QSOX1: variants seen among roughly 807,000 people sequenced by gnomAD.
QSOX1 encodes quiescin sulfhydryl oxidase 1.
A neutral mutation model predicts 76.1 loss-of-function variants in QSOX1; 40 were observed. That is an observed-to-expected ratio of 0.53 (90% CI 0.41 to 0.68). The LOEUF (loss-of-function observed/expected upper bound fraction) is 0.68. QSOX1 is among the 30% of genes least tolerant of loss of function. QSOX1 has a pLI of 0.00. For synonymous variants in QSOX1, 392 were observed against 413.1 expected, an observed-to-expected ratio of 0.95 and a Z score of 0.62; for missense variants, 931 against 974.3, an observed-to-expected ratio of 0.96 and a Z score of 0.59.
rs968066380 is a variant in QSOX1 at position 180,196,057 on chromosome 1, G to T, written c.1469-205G>T. The stretch of plus-strand genomic sequence containing the variant: ...CCGGGGCTGAGGGGTAGGTGGATCT[G>T]CCTCCTCCTCCATGCTGCCATCTGT... On this transcript the variant is annotated intron_variant, in intron 11 of 11. Transcript: ENST00000367602. This position sits in a 1 kb window ranked among gnomAD's most constrained non-coding sequence, Gnocchi z 4.1. 6.6e-6 allele frequency among the ~76,000 whole-genome samples: 1 copy of T among 152,144 alleles called. No individual in the cohort carries two copies. Among genetic ancestry groups the T allele is most frequent in the East Asian group, 1.9e-4 (1 of 5,186 alleles).
chr1:180,178,846 C>T lies in QSOX1; in HGVS notation c.568C>T (p.Leu190=). ...FARNNEEYLA[L]IFEKGGSYLG... Reference sequence around the variant, plus strand: ...GAGAAATAACGAAGAGTACCTGGCTCTGATCTTTGAAAAGGGAGGCTCCTA... The same window carrying T: ...GAGAAATAACGAAGAGTACCTGGCTTTGATCTTTGAAAAGGGAGGCTCCTA... Residue 190 remains leucine (L), a synonymous_variant, in exon 5 of 12, where the codon CTG becomes TTG. Transcript: ENST00000367602. The T allele has an allele frequency of 6.2e-7, 1 of 1,614,008 alleles. No homozygotes were observed.
At chr1:180,165,551 C>T (rs2149231281) in intron 1 of QSOX1, among the ~76,000 whole-genome samples, 1 of 152,368 alleles carries the variant, frequency 6.6e-6, no homozygotes, top group Admixed American at 6.5e-5. Context: ...ACTCTGTTTC[C>T]ACCTTTCCTG....
intron 1 of QSOX1, among the ~76,000 whole-genome samples, chr1:180,156,054 T>C (rs905797320): frequency 5.3e-5 from 8 of 152,346 alleles, no homozygotes; most frequent in African/African-American, 1.9e-4. Context: ...GTGAACTCTA[T>C]TACAGAAATG....
intron 8 of QSOX1, 120 bp downstream of exon 8, chr1:180,186,302 C>G: frequency 1.5e-6 from 2 of 1,345,644 alleles, no homozygotes; most frequent in Non-Finnish European, 2.0e-6. Flanking sequence ...GGCTGGACAC[C>G]TGGACCCACA....
chr1:180,186,256 AC>A lies in QSOX1; in HGVS notation c.1017+78del, dbSNP rs1663168393. 3.3e-6 allele frequency: 5 copies of A among 1,535,066 alleles called. No homozygotes were observed. In the African/African-American group the frequency reaches 6.9e-5, roughly 21 times the overall value. On this transcript the variant is annotated intron_variant, in intron 8 of 11. Coordinates refer to ENST00000367602, the MANE Select transcript of QSOX1 (RefSeq NM_002826.5). ...AGTGTGCGTTCCTGTAAGGCTGGGC[AC>A]CCCGTCAGCCCCTCCCTCCAGAAGC...
intron 2 of QSOX1, among the ~76,000 whole-genome samples, chr1:180,175,011 G>A (rs371668792): frequency 3.3e-5 from 5 of 152,194 alleles, no homozygotes; most frequent in African/African-American, 7.2e-5. Flanking sequence ...AAAAAAATTA[G>A]TCGAGTGTGG....
intron 2 of QSOX1, among the ~76,000 whole-genome samples, chr1:180,171,433 T>G (rs1304877489): frequency 6.6e-6 from 1 of 151,202 alleles, no homozygotes; most frequent in Non-Finnish European, 1.5e-5. Flanking sequence ...TGATTCAGTC[T>G]TGGGGATGGT....
rs942996554 is a variant in QSOX1 at position 180,200,505 on chromosome 1, A to C, written c.*3468A>C. The stretch of plus-strand genomic sequence containing the variant: ...GTGCCTCCCCACCCCCATCTGCCAC[A>C]GTAGTATGGATTTCCTTCATGAGAT... On this transcript the variant is annotated 3_prime_UTR_variant, in exon 12 of 12. Coordinates refer to ENST00000367602, the MANE Select transcript of QSOX1 (RefSeq NM_002826.5). 2 of 152,182 alleles carry C rather than the reference A, an allele frequency of 1.3e-5. No individual in the cohort carries two copies. The highest frequency in any genetic ancestry group is 2.9e-5 in the Non-Finnish European group (2 of 68,038). The allele number at this position is 152,182 out of a possible 1,614,324, so 9.4% of individuals were successfully genotyped here.
rs778400897 is a variant in QSOX1 at position 180,194,301 on chromosome 1, G to A, written c.1377G>A (p.Met459Ile). Residue 459 changes from methionine to isoleucine, a missense_variant, in exon 11 of 12, where the codon ATG becomes ATA. By Grantham distance (10) the Met-to-Ile change is conservative. Transcript: ENST00000367602. Reference protein sequence around the residue: ...CRDCASHFEQMAAASMHRVGS... With the variant: ...CRDCASHFEQIAAASMHRVGS... ...ACTGCGCTAGCCACTTCGAGCAGAT[G>A]GCTGCTGCCTCCATGCACCGGGTGG... 1.4e-5 allele frequency: 22 copies of A among 1,612,252 alleles called. No individual in the cohort carries two copies. The highest frequency in any genetic ancestry group is 1.9e-5 in the Non-Finnish European group (22 of 1,178,900).
Position 180,155,020 on chromosome 1 carries a change from C to T in QSOX1, c.113C>T (p.Pro38Leu). 1 of 1,513,598 alleles carries T rather than the reference C, an allele frequency of 6.6e-7. No individual in the cohort carries two copies. The highest frequency in any genetic ancestry group is 8.8e-7 in the Non-Finnish European group (1 of 1,138,284). The allele number at this position is 1,513,598 out of a possible 1,614,324, so 93.8% of individuals were successfully genotyped here. The change falls in exon 1 of 12, where the codon CCT (proline) becomes CTT (leucine). Residue 38 changes from proline (P) to leucine (L), a missense_variant. Pro to Leu is a moderately conservative substitution (Grantham distance 98, BLOSUM62 -3). Coordinates refer to ENST00000367602, the MANE Select transcript of QSOX1 (RefSeq NM_002826.5). The part of the protein sequence containing the change: ...NAAPRSALYS[P>L]SDPLTLLQAD... ...GCCCCGCGGTCGGCGCTCTATTCGC[C>T]TTCCGACCCGCTGACGCTGCTGCAG... is the stretch of plus-strand genomic sequence containing the variant.
Position 180,182,214 on chromosome 1 carries a change from G to T in QSOX1, c.647G>T (p.Arg216Leu), listed in dbSNP as rs149484554. 2 of 1,614,192 alleles carry T rather than the reference G, an allele frequency of 1.2e-6. No individual in the cohort carries two copies. Among genetic ancestry groups the T allele is most frequent in the Non-Finnish European group, 1.7e-6 (2 of 1,180,034 alleles). ...TCCCAGCACAAAGGCGTGGCGGTGC[G>T]CAGGGTGCTGAACACAGAGGCCAAT... ...DLSQHKGVAV[R>L]RVLNTEANVV... The change falls in exon 6 of 12, where the codon CGC becomes CTC. Residue 216 changes from arginine to leucine, a missense_variant. Coordinates refer to ENST00000367602, the MANE Select transcript of QSOX1 (RefSeq NM_002826.5).
In QSOX1 at chr1:180,183,913, C is replaced by T. The variant is rs1402208557; in HGVS notation, c.753-3C>T. On this transcript the variant is annotated splice_region_variant and splice_polypyrimidine_tract_variant and intron_variant, in intron 6 of 11. Transcript: ENST00000367602. ...TCTCCTCCCTGGTTCTGTGCCCTCA[C>T]AGGCTCATGGAATCCAGGTCCTTCT... is the stretch of plus-strand genomic sequence containing the variant. The T allele has an allele frequency of 2.5e-6, 4 of 1,612,842 alleles. No individual in the cohort carries two copies. Among genetic ancestry groups the T allele is most frequent in the South Asian group, 1.1e-5 (1 of 90,968 alleles).
At position 180,168,164 on chromosome 1, in the gene QSOX1, C is replaced by T. The variant is rs3753806; in HGVS notation, c.366+1573C>T. 0.022 allele frequency among the ~76,000 whole-genome samples: 3,352 copies of T among 152,344 alleles called. 182 individuals are homozygous for T. The East Asian group carries it at 0.23, about 10-fold the overall frequency. On this transcript the variant is annotated intron_variant, in intron 2 of 11. Coordinates refer to ENST00000367602, the MANE Select transcript of QSOX1 (RefSeq NM_002826.5). ...AGGGATGAAGGAGGCGGCCTAGGCC[C>T]AGGAGGTCAGAGGCTCCTCAGCGCC...
chr1:180,203,520 G>A lies in QSOX1; in HGVS notation c.*6483G>A, dbSNP rs1013997540. 1 of 152,112 alleles carries A rather than the reference G, an allele frequency of 6.6e-6. No homozygotes were observed. The highest frequency in any genetic ancestry group is 1.5e-5 in the Non-Finnish European group (1 of 68,022). 9.4% of individuals were successfully genotyped at this position (152,112 alleles called of 1,614,324 possible). A position where few individuals can be genotyped will look rare whatever the true frequency, so the allele number is the denominator to read the frequency against. On this transcript the variant is annotated 3_prime_UTR_variant, in exon 12 of 12. Coordinates refer to ENST00000367602, the MANE Select transcript of QSOX1 (RefSeq NM_002826.5). ...CTGGCTTTCACTTAAATATGTTTTCGAATGTTTGTAATAAAATATTTCTTT... is the reference window on the plus strand; with the variant it reads ...CTGGCTTTCACTTAAATATGTTTTCAAATGTTTGTAATAAAATATTTCTTT...
At chr1:180,194,428 G>T in intron 11 of QSOX1, 36 bp downstream of exon 11, 1 of 1,504,768 alleles carries the variant, frequency 6.6e-7, no homozygotes, top group Non-Finnish European at 8.9e-7. Flanking sequence ...GGAGTCACTT[G>T]TGGGGGACGA....
At position 180,198,977 on chromosome 1, in the gene QSOX1, T is replaced by G. The variant is rs1663572938; in HGVS notation, c.*1940T>G. The G allele has an allele frequency of 6.3e-6, 1 of 158,244 alleles. No individual in the cohort carries two copies. Among genetic ancestry groups the G allele is most frequent in the East Asian group, 1.9e-4 (1 of 5,390 alleles). 9.8% of individuals were successfully genotyped at this position (158,244 alleles called of 1,614,324 possible). A position where few individuals can be genotyped will look rare whatever the true frequency, so the allele number is the denominator to read the frequency against. ...GCAAGCCCTGTGGCTCCAGTGACGG[T>G]ATTTCTAAAGCCAAACTTAGTTACC... On this transcript the variant is annotated 3_prime_UTR_variant, in exon 12 of 12. Transcript: ENST00000367602.
At chr1:180,161,121 A>G (rs996799749) in intron 1 of QSOX1, among the ~76,000 whole-genome samples, 4 of 152,156 alleles carry the variant, frequency 2.6e-5, no homozygotes, top group African/African-American at 9.7e-5. Context: ...AGATTGCACC[A>G]CTGCACTCCA....
At chr1:180,183,882 A>G (rs776999987) in intron 6 of QSOX1, 34 bp from the exon 7 acceptor site, 5 of 1,595,954 alleles carry the variant, frequency 3.1e-6, no homozygotes, top group Non-Finnish European at 4.3e-6. Flanking sequence ...CTCTGCACTT[A>G]CTGCCTCTCC....
In QSOX1 at chr1:180,202,329, A is replaced by G. The variant is rs1272917097; in HGVS notation, c.*5292A>G. 1 of 152,298 alleles carries G rather than the reference A, an allele frequency of 6.6e-6. No individual in the cohort carries two copies. Among genetic ancestry groups the G allele is most frequent in the African/African-American group, 2.4e-5 (1 of 41,450 alleles). The allele number at this position is 152,298 out of a possible 1,614,324, so 9.4% of individuals were successfully genotyped here. Reference sequence around the variant, plus strand: ...TTTTCCTGGGGCTGCATGTTCTTCCATAGGAAAGTGGGCTTCAGGTGCTGC... The same window carrying G: ...TTTTCCTGGGGCTGCATGTTCTTCCGTAGGAAAGTGGGCTTCAGGTGCTGC... On this transcript the variant is annotated 3_prime_UTR_variant, in exon 12 of 12. Coordinates refer to ENST00000367602, the MANE Select transcript of QSOX1 (RefSeq NM_002826.5).
Sources: gnomAD v4.1 joint callset for allele counts (sites outside exome capture counted in the v4.1 genomes callset) on GRCh38, gnomAD v4.1.1 for gene constraint, Gnocchi (gnomAD v3.1) non-coding constraint, MANE v1.5 for transcripts, NCBI Gene and HGNC (gene_info 2026-07-23, HGNC 2026-07-21) for gene names.